Variants in SEMA6D observed in about 807,000 individuals in gnomAD.
SEMA6D encodes semaphorin-6D.
In SEMA6D, 35 loss-of-function variants were observed where a neutral mutation model predicts 106.6. That is an observed-to-expected ratio of 0.33 (90% CI 0.25 to 0.44). The LOEUF (loss-of-function observed/expected upper bound fraction) is 0.44. SEMA6D is among the 20% of genes least tolerant of loss of function. The pLI, the probability that SEMA6D is intolerant of heterozygous loss-of-function variation, is 1.00. For missense variants in SEMA6D, 1,185 were observed against 1,345.9 expected, an observed-to-expected ratio of 0.88 and a Z score of 1.87; for synonymous variants, 499 against 487.7, an observed-to-expected ratio of 1.02 and a Z score of -0.31.
In SEMA6D at chr15:47,771,172, G is replaced by A. The variant is rs753678345; in HGVS notation, c.2609G>A (p.Arg870Gln). ...LTKSSSKRDHRRSVDSRNTLN... is the reference protein window; with the variant it reads ...LTKSSSKRDHQRSVDSRNTLN... The stretch of plus-strand genomic sequence containing the variant: ...AAGTCATCCAGTAAGAGAGATCACC[G>A]GCGTTCTGTTGATTCCAGAAATACC... The change falls in exon 19 of 19, where the codon CGG becomes CAG. Residue 870 changes from arginine (R) to glutamine (Q), a missense_variant. Arg to Gln is a conservative substitution (Grantham distance 43). Coordinates refer to ENST00000536845, the MANE Select transcript of SEMA6D (RefSeq NM_001358351.3). The A allele has an allele frequency of 2.2e-5, 35 of 1,613,870 alleles. No individual in the cohort carries two copies. The highest frequency in any genetic ancestry group is 9.9e-5 in the South Asian group (9 of 91,080).
At chr15:47,237,545 C>G (rs2032633646) in intron 1 of SEMA6D, among the ~76,000 whole-genome samples, 2 of 152,012 alleles carry the variant, frequency 1.3e-5, no homozygotes, top group African/African-American at 4.8e-5. Flanking sequence ...AACGCTGCCT[C>G]TAACTCGGTG....
chr15:47,367,677 C>CGT, intron 1 of SEMA6D, among the ~76,000 whole-genome samples: 1 of 58,866 alleles, frequency 1.7e-5, no homozygotes, highest in Non-Finnish European at 3.6e-5. Flanking sequence ...CGCACGCTCA[C>CGT]ACGCGCGCGC....
At chr15:47,698,912 A>G (rs1434742845) in intron 4 of SEMA6D, among the ~76,000 whole-genome samples, 1 of 152,106 alleles carries the variant, frequency 6.6e-6, no homozygotes, top group African/African-American at 2.4e-5. Flanking sequence ...GTCATAACCT[A>G]CCACCACCAT....
At chr15:47,646,635 C>T (rs912989301) in intron 4 of SEMA6D, among the ~76,000 whole-genome samples, 1 of 152,078 alleles carries the variant, frequency 6.6e-6, no homozygotes, top group African/African-American at 2.4e-5. Flanking sequence ...TGATTATAAA[C>T]GGAGCCATAT....
intron 1 of SEMA6D, among the ~76,000 whole-genome samples, chr15:47,344,809 A>T (rs1595779595): frequency 6.6e-6 from 1 of 152,342 alleles, no homozygotes; most frequent in East Asian, 1.9e-4. Flanking sequence ...CTATGTAGAA[A>T]ATCTAGTGGA....
chr15:47,356,330 A>T (rs1350344482), intron 1 of SEMA6D, among the ~76,000 whole-genome samples: 1 of 152,216 alleles, frequency 6.6e-6, no homozygotes, highest in Non-Finnish European at 1.5e-5. Flanking sequence ...CCAGAAAAGA[A>T]CAGAATTCAA....
At chr15:47,375,799 T>C (rs1271528294) in intron 1 of SEMA6D, among the ~76,000 whole-genome samples, 1 of 152,254 alleles carries the variant, frequency 6.6e-6, no homozygotes, top group Non-Finnish European at 1.5e-5. Context: ...TTTTATGCAT[T>C]GAAAATAATT....
At chr15:47,722,867 A>G (rs2079506163) in intron 1 of SEMA6D, among the ~76,000 whole-genome samples, 1 of 152,232 alleles carries the variant, frequency 6.6e-6, no homozygotes, top group Non-Finnish European at 1.5e-5. Context: ...TATATCATAT[A>G]ACCCTCAGAC....
chr15:47,696,600 T>C (rs942004156), intron 4 of SEMA6D, among the ~76,000 whole-genome samples: 1 of 152,230 alleles, frequency 6.6e-6, no homozygotes, highest in Non-Finnish European at 1.5e-5. Flanking sequence ...GCTGTGCAGC[T>C]TCTTGGCAGC....
chr15:47,301,602 A>C, intron 1 of SEMA6D, among the ~76,000 whole-genome samples: 1 of 152,230 alleles, frequency 6.6e-6, no homozygotes, highest in East Asian at 1.9e-4. Context: ...ACCTGATCTA[A>C]GCTCATTGCT....
At chr15:47,631,081 T>G (rs2144505359) in intron 4 of SEMA6D, among the ~76,000 whole-genome samples, 1 of 151,950 alleles carries the variant, frequency 6.6e-6, no homozygotes, top group East Asian at 1.9e-4. Flanking sequence ...CTTTATCTGG[T>G]TTTGGTAGCA....
intron 1 of SEMA6D, among the ~76,000 whole-genome samples, chr15:47,337,896 A>C (rs1478138375): frequency 1.3e-5 from 2 of 152,122 alleles, no homozygotes. Flanking sequence ...ATTTTTCTTT[A>C]TTCCCCAAAT....
intron 1 of SEMA6D, among the ~76,000 whole-genome samples, chr15:47,349,281 T>C (rs1021695645): frequency 1.1e-4 from 16 of 152,300 alleles, no homozygotes; most frequent in African/African-American, 3.6e-4. Flanking sequence ...GTGGATTTGA[T>C]TTTATTTCAT....
chr15:47,668,006 A>G (rs978317124), intron 4 of SEMA6D, among the ~76,000 whole-genome samples: 2 of 152,186 alleles, frequency 1.3e-5, no homozygotes, highest in African/African-American at 2.4e-5. Flanking sequence ...AATATATACT[A>G]TTATTACATG....
At chr15:47,290,009 G>C (rs987804890) in intron 1 of SEMA6D, among the ~76,000 whole-genome samples, 1 of 151,950 alleles carries the variant, frequency 6.6e-6, no homozygotes, top group Admixed American at 6.6e-5. Context: ...AATCTTAAAA[G>C]TAAAGAAAAA....
At chr15:47,514,393 C>T (rs1170877185) in intron 3 of SEMA6D, among the ~76,000 whole-genome samples, 1 of 152,174 alleles carries the variant, frequency 6.6e-6, no homozygotes, top group Non-Finnish European at 1.5e-5. Flanking sequence ...GCTCTCTCTT[C>T]CAAGTTCCAA....
At chr15:47,419,833 G>A (rs1050412198) in intron 2 of SEMA6D, among the ~76,000 whole-genome samples, 1 of 152,124 alleles carries the variant, frequency 6.6e-6, no homozygotes, top group Non-Finnish European at 1.5e-5. Context: ...AGAACAAGTA[G>A]TGAACAAAGC....
intron 1 of SEMA6D, among the ~76,000 whole-genome samples, chr15:47,737,027 T>G (rs1334929877): frequency 6.6e-6 from 1 of 152,194 alleles, no homozygotes. Flanking sequence ...TTGCTAATTT[T>G]ATTTTAGCAC....
intron 1 of SEMA6D, among the ~76,000 whole-genome samples, chr15:47,386,070 T>C (rs966002075): frequency 2.0e-5 from 3 of 152,222 alleles, no homozygotes; most frequent in Admixed American, 2.0e-4. Context: ...GTGTAACATA[T>C]GTAAAACCAT....
Sources: gnomAD v4.1 joint callset for allele counts (sites outside exome capture counted in the v4.1 genomes callset) on GRCh38, gnomAD v4.1.1 for gene constraint, MANE v1.5 for transcripts, NCBI Gene and HGNC (gene_info 2026-07-23, HGNC 2026-07-21) for gene names.